The following USP22 variants were observed in gnomAD, a reference collection of about 807,000 sequenced individuals.
The protein encoded by USP22 is ubiquitin carboxyl-terminal hydrolase 22.
Under a neutral mutation model 68.1 loss-of-function variants are expected in USP22, and 22 were observed. That is an observed-to-expected ratio of 0.32 (90% CI 0.23 to 0.46). The LOEUF (loss-of-function observed/expected upper bound fraction) is 0.46, where lower values mean the gene tolerates loss of function less well. Among genes scored for constraint, USP22 ranks in the 20% least tolerant of loss-of-function variants. The probability of loss-of-function intolerance (pLI) is 1.00; values close to 1 mark genes in which losing one functional copy is unlikely to be tolerated. For missense variants in USP22, 433 were observed against 695.8 expected (o/e 0.62, Z 4.25); for synonymous variants, 279 against 274.2 (o/e 1.02, Z -0.17).
At position 21,034,711 on chromosome 17, in the gene USP22, A is replaced by T. The variant is rs72840128; in HGVS notation, c.172-6037T>A. Among the ~76,000 whole-genome samples, 1,203 of 152,266 alleles carry T rather than the reference A, an allele frequency of 7.9e-3. 16 individuals carry two copies. Among genetic ancestry groups the T allele is most frequent in the Admixed American group, 0.015 (236 of 15,290 alleles). On this transcript the variant is annotated intron_variant, in intron 1 of 12. Transcript: ENST00000261497. ...TGTGATCACGGATAAAAGTGAACAC[A>T]AGCCACTTTTATTTGGCTTAATATG...
At position 21,003,761 on chromosome 17, in the gene USP22, G is replaced by A. The variant is rs8066393; in HGVS notation, c.1535+441C>T. Among the ~76,000 whole-genome samples, 666 of 151,692 alleles carry A rather than the reference G, an allele frequency of 4.4e-3. 7 individuals carry two copies. The highest frequency in any genetic ancestry group is 0.015 in the African/African-American group (631 of 41,520). ...TACTAAAATACAAAAGTAGGCAGGC[G>A]TGATGGTGCATGCCTATAATCCCAG... On this transcript the variant is annotated intron_variant, in intron 12 of 12. Coordinates refer to ENST00000261497, the MANE Select transcript of USP22 (RefSeq NM_015276.2).
At chr17:21,015,302 C>A (rs1453312326) in intron 6 of USP22, among the ~76,000 whole-genome samples, 2 of 152,242 alleles carry the variant, frequency 1.3e-5, no homozygotes, top group Non-Finnish European at 2.9e-5. Context: ...TGTGTCCCAG[C>A]TCTCTGGCTA....
intron 2 of USP22, among the ~76,000 whole-genome samples, chr17:21,028,198 A>G (rs1424431216): frequency 2.0e-5 from 3 of 152,148 alleles, no homozygotes; most frequent in Non-Finnish European, 4.4e-5. Context: ...CTCATATTGC[A>G]TGGAGCTCTT....
At chr17:21,010,734 C>T (rs1202665219) in intron 8 of USP22, among the ~76,000 whole-genome samples, 3 of 151,772 alleles carry the variant, frequency 2.0e-5, no homozygotes, top group Non-Finnish European at 2.9e-5. Flanking sequence ...TGCACAATTT[C>T]AAAAACAGCC....
At chr17:21,041,712 C>T (rs545696051) in intron 1 of USP22, among the ~76,000 whole-genome samples, 41 of 152,234 alleles carry the variant, frequency 2.7e-4, no homozygotes, top group Non-Finnish European at 5.3e-4. Flanking sequence ...GCCCTCACAA[C>T]TCCCAATCTC....
intron 10 of USP22, among the ~76,000 whole-genome samples, chr17:21,006,008 G>A (rs959826242): frequency 6.6e-6 from 1 of 152,176 alleles, no homozygotes; most frequent in African/African-American, 2.4e-5. Flanking sequence ...AGCCACAGAA[G>A]GAACACGTGG....
intron 7 of USP22, 194 bp from the exon 8 acceptor site, chr17:21,011,503 GGAGGGGTGTGTGTGAACTCGGAAGGC>G (rs1913969458): frequency 1.5e-6 from 1 of 659,140 alleles, no homozygotes; most frequent in Non-Finnish European, 2.5e-6. Context: ...GTGGCCCTGG[GGAGGGGTGTGTGTGAACTCGGAAGGC>G]GAGGGGCGCT....
At chr17:21,040,848 G>C (rs1195277346) in intron 1 of USP22, among the ~76,000 whole-genome samples, 2 of 151,072 alleles carry the variant, frequency 1.3e-5, no homozygotes, top group Non-Finnish European at 2.9e-5. Flanking sequence ...AGTAGCAACA[G>C]CACATTCCCT....
chr17:21,038,991 G>A (rs559564248), intron 1 of USP22, among the ~76,000 whole-genome samples: 1 of 151,832 alleles, frequency 6.6e-6, no homozygotes, highest in African/African-American at 2.4e-5. Context: ...TCGCTCTGTC[G>A]CCCAGGCTGG....
At chr17:21,039,735 G>C in intron 1 of USP22, among the ~76,000 whole-genome samples, 1 of 152,136 alleles carries the variant, frequency 6.6e-6, no homozygotes, top group East Asian at 1.9e-4. Flanking sequence ...TTCATTCAGG[G>C]ATTCATTTCT....
intron 8 of USP22, 146 bp downstream of exon 8, chr17:21,011,005 C>G: frequency 8.7e-7 from 1 of 1,150,610 alleles, no homozygotes; most frequent in African/African-American, 1.6e-5. Flanking sequence ...CAAACTAGCA[C>G]AAGAGACTGC....
intron 1 of USP22, among the ~76,000 whole-genome samples, chr17:21,040,882 C>CCA (rs1449323791): frequency 7.8e-6 from 1 of 128,096 alleles, no homozygotes; most frequent in Non-Finnish European, 1.7e-5. Context: ...TTCAACCAGG[C>CCA]CACCCTTTTT....
chr17:21,011,250 G>T lies in USP22; in HGVS notation c.1004C>A (p.Ser335Tyr). 1 of 1,597,570 alleles carries T rather than the reference G, an allele frequency of 6.3e-7. No homozygotes were observed. Among genetic ancestry groups the T allele is most frequent in the Non-Finnish European group, 8.5e-7 (1 of 1,171,884 alleles). ...TGGGCTCAGGGGCCAGAATGGGGTG[G>T]AAGAGCCGGGGAGATCCAAGCTGAT... Reference protein sequence around the residue: ...WDISLDLPGSSTPFWPLSPGS... With the variant: ...WDISLDLPGSYTPFWPLSPGS... Residue 335 changes from serine (S) to tyrosine (Y), a missense_variant, in exon 8 of 13, where the codon TCC (serine) becomes TAC (tyrosine). Ser to Tyr is a moderately radical substitution (Grantham distance 144, BLOSUM62 -2). This residue lies in a region of USP22 where 178 missense variants were observed against 351.5 expected (regional missense o/e 0.51). Transcript: ENST00000261497.
chr17:21,005,479 G>A (rs574219001), intron 10 of USP22, among the ~76,000 whole-genome samples: 2 of 152,318 alleles, frequency 1.3e-5, no homozygotes, highest in East Asian at 3.9e-4. Context: ...GGAACAGGAA[G>A]CCATGCACAT....
intron 10 of USP22, 36 bp from the exon 11 acceptor site, chr17:21,005,026 A>G: frequency 6.2e-7 from 1 of 1,611,094 alleles, no homozygotes; most frequent in Non-Finnish European, 8.5e-7. Flanking sequence ...GCATCATTAA[A>G]ATCATCAGGC....
intron 2 of USP22, among the ~76,000 whole-genome samples, chr17:21,027,125 C>T (rs945284372): frequency 6.6e-6 from 1 of 151,412 alleles, no homozygotes; most frequent in African/African-American, 2.4e-5. Context: ...GGAAGTCACT[C>T]GGCCTCCCAA....
At chr17:21,005,835 C>G (rs1226976223) in intron 10 of USP22, among the ~76,000 whole-genome samples, 1 of 152,214 alleles carries the variant, frequency 6.6e-6, no homozygotes, top group African/African-American at 2.4e-5. Flanking sequence ...ATTTGTAAAA[C>G]CAGTCTTTGC....
At chr17:21,031,389 G>A (rs981587458) in intron 1 of USP22, among the ~76,000 whole-genome samples, 3 of 152,174 alleles carry the variant, frequency 2.0e-5, no homozygotes, top group Admixed American at 1.3e-4. Flanking sequence ...ACCTAACACT[G>A]AACAAAACAA....
chr17:21,008,143 G>A (rs1913835942), intron 8 of USP22, 147 bp from the exon 9 acceptor site: 1 of 1,080,342 alleles, frequency 9.3e-7, no homozygotes, highest in East Asian at 2.7e-5. Flanking sequence ...ATGAAAAAAA[G>A]AGAAAATGTT....
Sources: gnomAD v4.1 joint callset for allele counts (sites outside exome capture counted in the v4.1 genomes callset) on GRCh38, gnomAD v4.1.1 for gene constraint, gnomAD v4.1.1 regional missense constraint, MANE v1.5 for transcripts, NCBI Gene and HGNC (gene_info 2026-07-23, HGNC 2026-07-21) for gene names.